CTNNA1: variants seen among roughly 807,000 people sequenced by gnomAD.
CTNNA1 encodes the protein catenin alpha-1.
In CTNNA1, 37 loss-of-function variants were observed where a neutral mutation model predicts 98.4. The ratio of observed to expected loss-of-function variants is 0.38; its 90% CI spans 0.29 to 0.49. The LOEUF (loss-of-function observed/expected upper bound fraction) is 0.49, where lower values mean the gene tolerates loss of function less well. Ranked by LOEUF, CTNNA1 falls within the 20% of genes least tolerant of loss-of-function variation. CTNNA1 has a pLI of 0.95. For synonymous variants in CTNNA1, 404 were observed against 413.2 expected (o/e 0.98, Z 0.27); for missense variants, 761 against 1,147.2 (o/e 0.66, Z 4.86).
At chr5:138,760,249 C>A (rs1484220079) in intron 1 of CTNNA1, among the ~76,000 whole-genome samples, 1 of 151,974 alleles carries the variant, frequency 6.6e-6, no homozygotes, top group African/African-American at 2.4e-5. Context: ...CCGCCTCGGC[C>A]TACCAAAGTG....
intron 7 of CTNNA1, among the ~76,000 whole-genome samples, chr5:138,862,563 T>C (rs1024540819): frequency 6.6e-6 from 1 of 152,224 alleles, no homozygotes; most frequent in East Asian, 1.9e-4. Context: ...GACTACCTTA[T>C]TCAGAAGGAA....
intron 1 of CTNNA1, among the ~76,000 whole-genome samples, chr5:138,771,178 T>C (rs1337981410): frequency 6.6e-6 from 1 of 151,942 alleles, no homozygotes; most frequent in East Asian, 1.9e-4. Flanking sequence ...GAGGCACTCA[T>C]ATTTGTGAGT....
intron 3 of CTNNA1, among the ~76,000 whole-genome samples, chr5:138,796,059 C>T (rs999213584): frequency 1.3e-5 from 2 of 152,102 alleles, no homozygotes; most frequent in Admixed American, 6.6e-5. Context: ...TCTTCTACAA[C>T]ATAATTTTTA....
intron 7 of CTNNA1, among the ~76,000 whole-genome samples, chr5:138,842,951 T>C (rs1207918741): frequency 6.6e-6 from 1 of 152,178 alleles, no homozygotes; most frequent in Non-Finnish European, 1.5e-5. Flanking sequence ...TATCCAATGC[T>C]CCATTAACCA....
rs576750299 is a variant in CTNNA1, at chr5:138,774,811, C to T, written c.-2-7112C>T. The stretch of plus-strand genomic sequence containing the variant: ...TAATTTTTTGTATTTTTAGTAGAGA[C>T]GGGGTTTCACCGTGGTCTTGATCTC... On this transcript the variant is annotated intron_variant, in intron 1 of 17. Coordinates refer to ENST00000302763, the MANE Select transcript of CTNNA1 (RefSeq NM_001903.5). Among the ~76,000 whole-genome samples the T allele has an allele frequency of 4.3e-4, 65 of 151,994 alleles. 1 individual carries two copies. The highest frequency in any genetic ancestry group is 1.4e-3 in the African/African-American group (57 of 41,460).
chr5:138,841,955 C>T (rs981957082), intron 7 of CTNNA1, among the ~76,000 whole-genome samples: 1 of 152,202 alleles, frequency 6.6e-6, no homozygotes, highest in Non-Finnish European at 1.5e-5. Context: ...GAGAGAATTA[C>T]TGGTTTTATA....
intron 7 of CTNNA1, among the ~76,000 whole-genome samples, chr5:138,846,966 T>C (rs1762777765): frequency 6.6e-6 from 1 of 152,236 alleles, no homozygotes. Flanking sequence ...CTGAGAACTA[T>C]GAAAAGGAAC....
intron 9 of CTNNA1, among the ~76,000 whole-genome samples, chr5:138,900,900 G>C (rs897859700): frequency 5.9e-5 from 9 of 152,176 alleles, no homozygotes; most frequent in Non-Finnish European, 1.3e-4. Context: ...TGGTACAAAA[G>C]AGGGCTGCCT....
chr5:138,769,009 A>G lies in CTNNA1; in HGVS notation c.-2-12914A>G, dbSNP rs183608718. ...TGAATGACTGAATAGGTCATCCAGGATATATACCACAAGTTTTAGAGGCCA... is the reference window on the plus strand; with the variant it reads ...TGAATGACTGAATAGGTCATCCAGGGTATATACCACAAGTTTTAGAGGCCA... On this transcript the variant is annotated intron_variant, in intron 1 of 17. Coordinates refer to ENST00000302763, the MANE Select transcript of CTNNA1 (RefSeq NM_001903.5). Among the ~76,000 whole-genome samples the G allele has an allele frequency of 4.4e-3, 672 of 152,140 alleles. 10 individuals carry two copies. The highest frequency in any genetic ancestry group is 0.01 in the African/African-American group (435 of 41,488).
rs70982734 is a variant in CTNNA1, at chr5:138,759,980, C to CTTT, written c.-3+6497_-3+6499dup. Among the ~76,000 whole-genome samples, 35 of 61,238 alleles carry CTTT rather than the reference C, an allele frequency of 5.7e-4. 5 individuals are homozygous for CTTT. Among genetic ancestry groups the CTTT allele is most frequent in the Non-Finnish European group, 7.3e-4 (26 of 35,570 alleles). 40.2% of individuals were successfully genotyped at this position (61,238 alleles called of 152,430 possible). On this transcript the variant is annotated intron_variant, in intron 1 of 17. Transcript: ENST00000302763. ...GGAATCCTCTCCCAGAATTTCTTTC[C>CTTT]TTTTTTTTTTTTTTTTTTTTTTTTT...
At chr5:138,857,935 T>C (rs989901563) in intron 7 of CTNNA1, among the ~76,000 whole-genome samples, 3 of 152,180 alleles carry the variant, frequency 2.0e-5, no homozygotes, top group Non-Finnish European at 4.4e-5. Context: ...GCTGAAAGAA[T>C]TATACAGTGA....
At chr5:138,884,142 C>T (rs1173690226) in intron 7 of CTNNA1, among the ~76,000 whole-genome samples, 1 of 152,148 alleles carries the variant, frequency 6.6e-6, no homozygotes, top group Non-Finnish European at 1.5e-5. Flanking sequence ...GTAAGGTGTA[C>T]ATTGGTTTGG....
chr5:138,913,855 T>C (rs1256222871), intron 10 of CTNNA1, among the ~76,000 whole-genome samples: 2 of 152,104 alleles, frequency 1.3e-5, no homozygotes, highest in East Asian at 1.9e-4. Flanking sequence ...TAAGGACATA[T>C]CTATATATTT....
chr5:138,848,845 T>C (rs1039100918), intron 7 of CTNNA1, among the ~76,000 whole-genome samples: 1 of 152,136 alleles, frequency 6.6e-6, no homozygotes, highest in African/African-American at 2.4e-5. Context: ...TGCCTCAGCC[T>C]CCTGAGTAGC....
At chr5:138,916,395 CTTTT>C (rs751646294) in intron 10 of CTNNA1, among the ~76,000 whole-genome samples, 2 of 139,522 alleles carry the variant, frequency 1.4e-5, no homozygotes, top group Admixed American at 7.1e-5. Flanking sequence ...TGTTTTTTGT[CTTTT>C]TTTTTTTTTT....
In CTNNA1 at chr5:138,930,902, G is replaced by A. The variant is rs1580911664; in HGVS notation, c.2265G>A (p.Arg755=). ...AAKKIAEAGS[R]MDKLGRTIAD... ...AGAAAATTGCTGAGGCAGGATCCAG[G>A]ATGGACAAGCTTGGCCGCACCATTG... The change falls in exon 16 of 18, where the codon AGG becomes AGA. Residue 755 remains arginine (R), a synonymous_variant. Transcript: ENST00000302763. 9.3e-6 allele frequency: 15 copies of A among 1,614,102 alleles called. No homozygotes were observed. In the East Asian group the frequency reaches 3.3e-4, roughly 36 times the overall value.
At chr5:138,829,366 C>T (rs1248380453) in intron 7 of CTNNA1, among the ~76,000 whole-genome samples, 1 of 152,160 alleles carries the variant, frequency 6.6e-6, no homozygotes, top group Non-Finnish European at 1.5e-5. Context: ...CAGTCATCTG[C>T]TATCATGGGT....
In CTNNA1 at chr5:138,930,908, C is replaced by T; in HGVS notation, c.2271C>T (p.Asp757=). 6.2e-7 allele frequency: 1 copy of T among 1,613,730 alleles called. No individual in the cohort carries two copies. Among genetic ancestry groups the T allele is most frequent in the Non-Finnish European group, 8.5e-7 (1 of 1,179,582 alleles). ...TTGCTGAGGCAGGATCCAGGATGGA[C>T]AAGCTTGGCCGCACCATTGCAGACC... ...KKIAEAGSRM[D]KLGRTIADHC... Residue 757 remains aspartate (D), a synonymous_variant, in exon 16 of 18, where the codon GAC becomes GAT. Coordinates refer to ENST00000302763, the MANE Select transcript of CTNNA1 (RefSeq NM_001903.5).
intron 3 of CTNNA1, among the ~76,000 whole-genome samples, chr5:138,805,353 T>C (rs560345586): frequency 1.3e-5 from 2 of 152,364 alleles, no homozygotes; most frequent in Admixed American, 1.3e-4. Flanking sequence ...CCAAAGTAGC[T>C]GCACCTTTTT....
Sources: gnomAD v4.1 joint callset for allele counts (sites outside exome capture counted in the v4.1 genomes callset) on GRCh38, gnomAD v4.1.1 for gene constraint, MANE v1.5 for transcripts, NCBI Gene and HGNC (gene_info 2026-07-23, HGNC 2026-07-21) for gene names.